COL26A1: variants seen among roughly 807,000 people sequenced by gnomAD.
COL26A1 encodes the protein collagen type XXVI alpha 1 chain.
Under a neutral mutation model 59.3 loss-of-function variants are expected in COL26A1, and 41 were observed. The observed-to-expected ratio is 0.69, with a 90% CI of 0.54 to 0.90. The LOEUF (loss-of-function observed/expected upper bound fraction) is 0.90. Ranked by LOEUF, COL26A1 falls within the 40% of genes least tolerant of loss-of-function variation. The pLI is 0.00. For missense variants in COL26A1, 612 were observed against 602.3 expected, an observed-to-expected ratio of 1.02 and a Z score of -0.17; for synonymous variants, 266 against 256.0, an observed-to-expected ratio of 1.04 and a Z score of -0.37.
At chr7:101,502,108 G>A (rs903895605) in intron 3 of COL26A1, among the ~76,000 whole-genome samples, 1 of 152,230 alleles carries the variant, frequency 6.6e-6, no homozygotes, top group African/African-American at 2.4e-5. Flanking sequence ...CCAGCACTTT[G>A]GGAGGCTGGG....
intron 4 of COL26A1, among the ~76,000 whole-genome samples, chr7:101,538,908 G>A (rs939254894): frequency 3.2e-4 from 48 of 152,194 alleles, no homozygotes; most frequent in Non-Finnish European, 1.8e-4. Flanking sequence ...GGTCCTTCAC[G>A]CCCCTCGGCC....
intron 1 of COL26A1, among the ~76,000 whole-genome samples, chr7:101,408,337 T>C (rs755574638): frequency 2.0e-5 from 3 of 152,202 alleles, no homozygotes; most frequent in Non-Finnish European, 4.4e-5. Flanking sequence ...TCTTTCAGCG[T>C]TGTCCCCAGG....
chr7:101,382,665 G>T (rs1222019166), intron 1 of COL26A1, among the ~76,000 whole-genome samples: 1 of 151,820 alleles, frequency 6.6e-6, no homozygotes, highest in Admixed American at 6.6e-5. Context: ...TTTTATTTTG[G>T]GTGAATTTTA....
chr7:101,495,302 C>T (rs981670367), intron 3 of COL26A1, among the ~76,000 whole-genome samples: 1 of 152,156 alleles, frequency 6.6e-6, no homozygotes, highest in Non-Finnish European at 1.5e-5. Context: ...ACTTGATTTC[C>T]CTCTCTTTCC....
At chr7:101,513,269 A>G (rs930647988) in intron 3 of COL26A1, among the ~76,000 whole-genome samples, 1 of 151,906 alleles carries the variant, frequency 6.6e-6, no homozygotes, top group African/African-American at 2.4e-5. Context: ...TGGCCCCCCA[A>G]AGTGCTGGGA....
At chr7:101,381,985 T>G (rs1416845214) in intron 1 of COL26A1, among the ~76,000 whole-genome samples, 1 of 152,198 alleles carries the variant, frequency 6.6e-6, no homozygotes, top group East Asian at 1.9e-4. Flanking sequence ...GCTGTTAAGA[T>G]TCAGCCTTGA....
At chr7:101,416,541 A>G (rs1792373960) in intron 1 of COL26A1, among the ~76,000 whole-genome samples, 1 of 142,944 alleles carries the variant, frequency 7.0e-6, no homozygotes, top group African/African-American at 2.5e-5. Context: ...ACTACTATAT[A>G]GATGTTGGTC....
chr7:101,445,378 C>T (rs1793161073), intron 2 of COL26A1, among the ~76,000 whole-genome samples: 1 of 151,926 alleles, frequency 6.6e-6, no homozygotes, highest in Admixed American at 6.6e-5. Flanking sequence ...CCGGCATCTC[C>T]TTGGCTTCTG....
chr7:101,543,955 G>T, intron 5 of COL26A1, 43 bp from the exon 6 acceptor site: 1 of 1,419,144 alleles, frequency 7.0e-7, no homozygotes, highest in African/African-American at 1.4e-5. Context: ...CTGGAGGCTG[G>T]GGGTCCACCA....
At chr7:101,392,397 C>A (rs1243467517) in intron 1 of COL26A1, among the ~76,000 whole-genome samples, 3 of 86,630 alleles carry the variant, frequency 3.5e-5, no homozygotes, top group Non-Finnish European at 7.0e-5. Context: ...AACAACCAGG[C>A]TTTTTTTTTT....
At chr7:101,448,682 C>T (rs944028348) in intron 3 of COL26A1, among the ~76,000 whole-genome samples, 2 of 151,922 alleles carry the variant, frequency 1.3e-5, no homozygotes, top group Non-Finnish European at 2.9e-5. Context: ...TTTTTAGAGA[C>T]GGGTCTTGCA....
At chr7:101,381,857 AAC>A (rs1292189397) in intron 1 of COL26A1, among the ~76,000 whole-genome samples, 13 of 152,090 alleles carry the variant, frequency 8.5e-5, no homozygotes, top group African/African-American at 2.9e-4. Context: ...TATTTGGCCA[AAC>A]ACACAAACGG....
chr7:101,502,273 C>T (rs749572322), intron 3 of COL26A1, among the ~76,000 whole-genome samples: 7 of 152,052 alleles, frequency 4.6e-5, no homozygotes, highest in East Asian at 1.9e-4. Flanking sequence ...ATCTGGGAGG[C>T]GAAAGTTGCA....
At chr7:101,556,195 C>A (rs560317768) in intron 12 of COL26A1, among the ~76,000 whole-genome samples, 2 of 152,334 alleles carry the variant, frequency 1.3e-5, no homozygotes, top group Admixed American at 6.5e-5. Flanking sequence ...ACTTCGGGAC[C>A]TGCTCAAAGA....
intron 2 of COL26A1, among the ~76,000 whole-genome samples, chr7:101,434,797 C>T (rs1792877083): frequency 1.3e-5 from 2 of 152,196 alleles, no homozygotes; most frequent in African/African-American, 4.8e-5. Context: ...ATGTGTTCAT[C>T]TATTCAATTG....
At chr7:101,465,691 C>CAAA (rs539721605) in intron 3 of COL26A1, among the ~76,000 whole-genome samples, 8 of 102,662 alleles carry the variant, frequency 7.8e-5, no homozygotes, top group Admixed American at 1.1e-4. Flanking sequence ...GAAACTGTCT[C>CAAA]AAAAAAAAAA....
intron 3 of COL26A1, among the ~76,000 whole-genome samples, chr7:101,517,001 G>A (rs1006843086): frequency 1.3e-5 from 2 of 152,070 alleles, no homozygotes; most frequent in African/African-American, 4.8e-5. Context: ...GGGCCTTGTC[G>A]AGTGCTCCTC....
At chr7:101,408,086 T>C (rs887046679) in intron 1 of COL26A1, among the ~76,000 whole-genome samples, 6 of 152,190 alleles carry the variant, frequency 3.9e-5, no homozygotes, top group Admixed American at 3.3e-4. Flanking sequence ...TTGAATTCTT[T>C]CCTAGGCTAA....
intron 3 of COL26A1, among the ~76,000 whole-genome samples, chr7:101,454,570 T>C (rs1793424925): frequency 6.6e-6 from 1 of 152,134 alleles, no homozygotes; most frequent in African/African-American, 2.4e-5. Context: ...AGTGTCCTTT[T>C]CAAGGTCTGT....
Sources: allele counts gnomAD v4.1 joint callset (sites outside exome capture counted in the v4.1 genomes callset), GRCh38; gene constraint gnomAD v4.1.1; transcripts MANE v1.5; gene names NCBI Gene and HGNC (gene_info 2026-07-23, HGNC 2026-07-21).